The following RPS6KA5 variants were observed in gnomAD, a reference collection of about 807,000 sequenced individuals.
RPS6KA5 encodes the protein ribosomal protein S6 kinase alpha-5.
RPS6KA5 carries 27 observed loss-of-function variants against 85.5 expected under a neutral mutation model. The observed-to-expected ratio is 0.32, with a 90% CI of 0.23 to 0.44. The LOEUF (loss-of-function observed/expected upper bound fraction) is 0.44, where lower values mean the gene tolerates loss of function less well. Among genes scored for constraint, RPS6KA5 ranks in the 20% least tolerant of loss-of-function variants. The pLI is 1.00. For synonymous variants in RPS6KA5, 334 were observed against 348.2 expected (o/e 0.96, Z 0.46); for missense variants, 811 against 980.9 (o/e 0.83, Z 2.31).
At chr14:91,035,275 G>A (rs2042351932) in intron 1 of RPS6KA5, among the ~76,000 whole-genome samples, 1 of 151,528 alleles carries the variant, frequency 6.6e-6, no homozygotes, top group South Asian at 2.1e-4. Context: ...AGTACTAGGA[G>A]ACAGAGTATT....
chr14:90,890,712 C>T (rs1424565499), intron 13 of RPS6KA5, 34 bp from the exon 14 acceptor site: 5 of 1,558,538 alleles, frequency 3.2e-6, no homozygotes, highest in Non-Finnish European at 4.4e-6. Flanking sequence ...TAGTTTCTCA[C>T]TAGGCATGTC....
intron 7 of RPS6KA5, among the ~76,000 whole-genome samples, chr14:90,907,999 T>C (rs1008051048): frequency 6.6e-6 from 1 of 152,248 alleles, no homozygotes; most frequent in African/African-American, 2.4e-5. Flanking sequence ...TAGAAATATA[T>C]GCACTTTGGC....
At chr14:91,052,557 G>A in intron 1 of RPS6KA5, 1 of 202,120 alleles carries the variant, frequency 4.9e-6, no homozygotes, top group Non-Finnish European at 1.0e-5. Context: ...AAGCGCGGTG[G>A]CTCAAGCCTG....
At chr14:91,054,244 G>T (rs1025556005) in intron 1 of RPS6KA5, among the ~76,000 whole-genome samples, 2 of 151,524 alleles carry the variant, frequency 1.3e-5, no homozygotes, top group Admixed American at 6.6e-5. Flanking sequence ...ACTCTTAGAA[G>T]AAAACAGAGA....
At position 90,896,397 on chromosome 14, in the gene RPS6KA5, T is replaced by C. The variant is rs555160122; in HGVS notation, c.1474-1814A>G. On this transcript the variant is annotated intron_variant, in intron 12 of 16. Transcript: ENST00000614987. ...ATGCAGATAGCAATGAGAAAATGTATGCGTGGTAGAGCTTGAATGATGGCC... is the reference window on the plus strand; with the variant it reads ...ATGCAGATAGCAATGAGAAAATGTACGCGTGGTAGAGCTTGAATGATGGCC... Among the ~76,000 whole-genome samples, 9 of 152,346 alleles carry C rather than the reference T, an allele frequency of 5.9e-5. No individual in the cohort carries two copies. The East Asian group carries it at 1.7e-3, about 29-fold the overall frequency.
Position 91,051,934 on chromosome 14 carries a change from C to A in RPS6KA5, c.103+8398G>T, listed in dbSNP as rs570198310. 7.3e-5 allele frequency among the ~76,000 whole-genome samples: 11 copies of A among 150,916 alleles called. 1 individual carries two copies. Among genetic ancestry groups the A allele is most frequent in the Admixed American group, 4.7e-4 (7 of 14,982 alleles). On this transcript the variant is annotated intron_variant, in intron 1 of 16. Transcript: ENST00000614987. ...AAGACTAAAGCCTTCCCCCTAGGAT[C>A]GGGAAAAGACAAGGAACTAACTTTG...
intron 4 of RPS6KA5, among the ~76,000 whole-genome samples, chr14:90,946,204 A>T (rs1175621159): frequency 6.6e-6 from 1 of 152,112 alleles, no homozygotes; most frequent in East Asian, 1.9e-4. Flanking sequence ...AATTCCATGA[A>T]AAGAAGTCCA....
At chr14:90,991,867 T>TA (rs1369296418) in intron 2 of RPS6KA5, among the ~76,000 whole-genome samples, 2 of 152,048 alleles carry the variant, frequency 1.3e-5, no homozygotes, top group African/African-American at 4.8e-5. Context: ...TCAATCTGAG[T>TA]AAAAAAGAGT....
intron 14 of RPS6KA5, among the ~76,000 whole-genome samples, chr14:90,887,937 G>A (rs2140184788): frequency 8.3e-6 from 1 of 120,818 alleles, no homozygotes; most frequent in East Asian, 2.3e-4. Context: ...GACAGAGGGA[G>A]GCTATCGCAA....
At chr14:90,998,223 G>A (rs1864757276) in intron 2 of RPS6KA5, among the ~76,000 whole-genome samples, 1 of 152,106 alleles carries the variant, frequency 6.6e-6, no homozygotes. Context: ...GCTTGCTTGG[G>A]CATTAATAGC....
chr14:90,877,968 A>T (rs1002419678), intron 14 of RPS6KA5, among the ~76,000 whole-genome samples: 1 of 152,232 alleles, frequency 6.6e-6, no homozygotes, highest in Non-Finnish European at 1.5e-5. Flanking sequence ...ATGGTTAATA[A>T]GTTTGTCTCT....
intron 1 of RPS6KA5, among the ~76,000 whole-genome samples, chr14:91,020,641 T>TGTGTGC (rs1555378456): frequency 6.6e-6 from 1 of 151,330 alleles, no homozygotes; most frequent in Non-Finnish European, 1.5e-5. Context: ...TGTGTGTGTG[T>TGTGTGC]GTGTGTGTGT....
intron 1 of RPS6KA5, among the ~76,000 whole-genome samples, chr14:91,031,193 T>G (rs2042172884): frequency 6.6e-6 from 1 of 152,142 alleles, no homozygotes; most frequent in South Asian, 2.1e-4. Flanking sequence ...TCAGCATCAT[T>G]AGAAGCTAGA....
intron 12 of RPS6KA5, among the ~76,000 whole-genome samples, chr14:90,895,960 A>C (rs2034815368): frequency 6.6e-6 from 1 of 152,238 alleles, no homozygotes; most frequent in Admixed American, 6.5e-5. Context: ...TATCATGGCA[A>C]TATACTGAAT....
At chr14:91,024,633 C>A (rs887651224) in intron 1 of RPS6KA5, among the ~76,000 whole-genome samples, 1 of 152,192 alleles carries the variant, frequency 6.6e-6, no homozygotes, top group Non-Finnish European at 1.5e-5. Context: ...GGTCACATCT[C>A]CAAGGTACCA....
rs1291978740 is a variant in RPS6KA5, at chr14:90,869,867, T to C, written c.*2207A>G. 1.3e-5 allele frequency: 2 copies of C among 152,200 alleles called. No individual in the cohort carries two copies. The highest frequency in any genetic ancestry group is 2.9e-5 in the Non-Finnish European group (2 of 68,026). 9.4% of individuals were successfully genotyped at this position (152,200 alleles called of 1,614,324 possible). On this transcript the variant is annotated 3_prime_UTR_variant, in exon 17 of 17. Coordinates refer to ENST00000614987, the MANE Select transcript of RPS6KA5 (RefSeq NM_004755.4). Reference sequence around the variant, plus strand: ...GTGCAACAGTGTTTGTTAAGGTCTTTTCAAAAGCCCATTTGAGATTATTCA... The same window carrying C: ...GTGCAACAGTGTTTGTTAAGGTCTTCTCAAAAGCCCATTTGAGATTATTCA...
rs895802175 is a variant in RPS6KA5, at chr14:90,900,090, T to C, written c.1379+18A>G. The stretch of plus-strand genomic sequence containing the variant: ...CATGAATACCTAAGAAAGAATATTA[T>C]ATTAAAAATGGTCATACCTTTTGCT... On this transcript the variant is annotated intron_variant, in intron 11 of 16. Coordinates refer to ENST00000614987, the MANE Select transcript of RPS6KA5 (RefSeq NM_004755.4). 6.4e-7 allele frequency: 1 copy of C among 1,563,226 alleles called. No individual in the cohort carries two copies. The highest frequency in any genetic ancestry group is 1.2e-5 in the South Asian group (1 of 81,898).
intron 13 of RPS6KA5, among the ~76,000 whole-genome samples, chr14:90,892,401 GA>G (rs372966972): frequency 2.4e-4 from 37 of 152,280 alleles, no homozygotes; most frequent in South Asian, 8.3e-4. Flanking sequence ...GTAAAATTGA[GA>G]AACACTGCTC....
intron 1 of RPS6KA5, among the ~76,000 whole-genome samples, chr14:91,001,642 A>G (rs751234872): frequency 1.3e-5 from 2 of 152,196 alleles, no homozygotes; most frequent in Admixed American, 6.5e-5. Context: ...CGTCACTTCA[A>G]TACTCTATGT....
Sources: allele counts gnomAD v4.1 joint callset (sites outside exome capture counted in the v4.1 genomes callset), GRCh38; gene constraint gnomAD v4.1.1; transcripts MANE v1.5; gene names NCBI Gene and HGNC (gene_info 2026-07-23, HGNC 2026-07-21).